The following SPAG16 variants were observed in gnomAD, a reference collection of about 807,000 sequenced individuals.
SPAG16 encodes the protein sperm-associated antigen 16 protein.
A neutral mutation model predicts 80.4 loss-of-function variants in SPAG16; 86 were observed. The ratio of observed to expected loss-of-function variants is 1.07; its 90% CI spans 0.90 to 1.28. The LOEUF is 1.28. Among genes scored for constraint, SPAG16 ranks in the 50% most tolerant of loss-of-function variants. The probability of loss-of-function intolerance (pLI) is 0.00; values close to 1 mark genes in which losing one functional copy is unlikely to be tolerated. For synonymous variants in SPAG16, 294 were observed against 265.9 expected (o/e 1.11, Z -1.03); for missense variants, 870 against 765.3 (o/e 1.14, Z -1.61).
chr2:213,593,730 A>G (rs1392236983), intron 10 of SPAG16, among the ~76,000 whole-genome samples: 3 of 111,472 alleles, frequency 2.7e-5, no homozygotes, highest in African/African-American at 1.0e-4. Flanking sequence ...CTCATACCCC[A>G]TCATCCCCAC....
At chr2:213,689,863 C>G (rs2064865095) in intron 10 of SPAG16, among the ~76,000 whole-genome samples, 2 of 151,580 alleles carry the variant, frequency 1.3e-5, no homozygotes, top group South Asian at 2.1e-4. Flanking sequence ...CTATCCTACT[C>G]CAGAAAGACT....
intron 10 of SPAG16, among the ~76,000 whole-genome samples, chr2:213,556,385 TA>T (rs956536911): frequency 1.4e-5 from 2 of 144,914 alleles, no homozygotes; most frequent in African/African-American, 5.1e-5. Context: ...AAACCATGTA[TA>T]AAAGTGAAAG....
intron 15 of SPAG16, among the ~76,000 whole-genome samples, chr2:214,319,197 A>ATAC (rs2125990944): frequency 4.5e-5 from 1 of 22,202 alleles, no homozygotes; most frequent in Non-Finnish European, 7.7e-5. Context: ...GCACACACAC[A>ATAC]CACCACACAC....
intron 9 of SPAG16, among the ~76,000 whole-genome samples, chr2:213,481,432 A>G: frequency 6.6e-6 from 1 of 152,168 alleles, no homozygotes; most frequent in East Asian, 1.9e-4. Context: ...TTTTGTTTTT[A>G]ATAAGGTTTT....
At chr2:213,958,878 A>C (rs1293693051) in intron 12 of SPAG16, among the ~76,000 whole-genome samples, 1 of 152,158 alleles carries the variant, frequency 6.6e-6, no homozygotes, top group Non-Finnish European at 1.5e-5. Context: ...GCTTTGAGTG[A>C]CTGTCCAGCA....
At chr2:213,736,751 C>A (rs2067301196) in intron 10 of SPAG16, among the ~76,000 whole-genome samples, 1 of 148,374 alleles carries the variant, frequency 6.7e-6, no homozygotes, top group South Asian at 2.1e-4. Context: ...GTTCCCCAAG[C>A]TGCAGTGCAA....
chr2:213,802,015 C>G (rs1385820973), intron 10 of SPAG16, among the ~76,000 whole-genome samples: 1 of 152,154 alleles, frequency 6.6e-6, no homozygotes, highest in Non-Finnish European at 1.5e-5. Flanking sequence ...TTACCTACAA[C>G]ATTTTCAGGT....
At chr2:214,170,015 G>A (rs1412502366) in intron 15 of SPAG16, among the ~76,000 whole-genome samples, 1 of 151,954 alleles carries the variant, frequency 6.6e-6, no homozygotes, top group Non-Finnish European at 1.5e-5. Flanking sequence ...AAATGTTACA[G>A]AATGCTAAAA....
At chr2:213,951,955 G>A (rs2079804401) in intron 12 of SPAG16, among the ~76,000 whole-genome samples, 1 of 152,134 alleles carries the variant, frequency 6.6e-6, no homozygotes, top group Non-Finnish European at 1.5e-5. Context: ...ATAGGCAGGT[G>A]CATTAAATGA....
At chr2:213,698,211 T>C (rs1482185440) in intron 10 of SPAG16, among the ~76,000 whole-genome samples, 1 of 152,164 alleles carries the variant, frequency 6.6e-6, no homozygotes, top group African/African-American at 2.4e-5. Context: ...ATGGGCTACA[T>C]TTTTCTCATG....
rs555696970 is a variant in SPAG16 at position 214,062,186 on chromosome 2, G to A, written c.1528-46010G>A. 1.1e-4 allele frequency among the ~76,000 whole-genome samples: 16 copies of A among 152,090 alleles called. No individual in the cohort carries two copies. The East Asian group carries it at 2.5e-3, about 24-fold the overall frequency. ...TGTAATCCCAGCACTTTGGGAGGCC[G>A]AAGTGGGCAGATCCCTTGAGGTCAG... On this transcript the variant is annotated intron_variant, in intron 13 of 15. Transcript: ENST00000331683.
intron 13 of SPAG16, among the ~76,000 whole-genome samples, chr2:214,086,589 A>T (rs1363667225): frequency 6.6e-6 from 1 of 152,094 alleles, no homozygotes; most frequent in African/African-American, 2.4e-5. Context: ...CTGCCTTGTG[A>T]AGAGATGCCT....
At position 214,004,382 on chromosome 2, in the gene SPAG16, A is replaced by G. The variant is rs1190462985; in HGVS notation, c.1401-9569A>G. 2.0e-5 allele frequency among the ~76,000 whole-genome samples: 3 copies of G among 152,104 alleles called. No homozygotes were observed. In the East Asian group the frequency reaches 5.8e-4, roughly 29 times the overall value. ...AGTGTTGGTCACTGTAAATGATTCA[A>G]TCCTCCAGCAGAGACGGGGAGGCAA... On this transcript the variant is annotated intron_variant, in intron 12 of 15. Transcript: ENST00000331683.
At chr2:213,398,165 T>C (rs1287535563) in intron 9 of SPAG16, among the ~76,000 whole-genome samples, 2 of 147,590 alleles carry the variant, frequency 1.4e-5, no homozygotes, top group African/African-American at 5.3e-5. Flanking sequence ...ACTTTTGCTC[T>C]CTGTTTTTTT....
intron 15 of SPAG16, among the ~76,000 whole-genome samples, chr2:214,166,680 T>C (rs2056669816): frequency 6.6e-6 from 1 of 152,170 alleles, no homozygotes; most frequent in Non-Finnish European, 1.5e-5. Flanking sequence ...AGTGGGCTCT[T>C]TGTTTCCTGG....
chr2:213,691,225 G>T (rs2064932286), intron 10 of SPAG16, among the ~76,000 whole-genome samples: 1 of 152,144 alleles, frequency 6.6e-6, no homozygotes, highest in South Asian at 2.1e-4. Context: ...TAAACCTTGT[G>T]TAACCCTTTC....
At chr2:213,981,035 C>T (rs2045721732) in intron 12 of SPAG16, among the ~76,000 whole-genome samples, 1 of 152,042 alleles carries the variant, frequency 6.6e-6, no homozygotes, top group African/African-American at 2.4e-5. Flanking sequence ...AAATTTGTTT[C>T]TCACAGTTCT....
intron 12 of SPAG16, among the ~76,000 whole-genome samples, chr2:213,965,775 C>A (rs2044680574): frequency 6.6e-6 from 1 of 152,204 alleles, no homozygotes; most frequent in Non-Finnish European, 1.5e-5. Flanking sequence ...GGGACAGCTA[C>A]AAAGCTCTCT....
intron 10 of SPAG16, among the ~76,000 whole-genome samples, chr2:213,622,515 T>C (rs1328496754): frequency 6.6e-6 from 1 of 152,220 alleles, no homozygotes; most frequent in Non-Finnish European, 1.5e-5. Context: ...AATTAAAACC[T>C]CCTTCCTTGA....
Sources: allele counts gnomAD v4.1 joint callset (sites outside exome capture counted in the v4.1 genomes callset), GRCh38; gene constraint gnomAD v4.1.1; transcripts MANE v1.5; gene names NCBI Gene and HGNC (gene_info 2026-07-23, HGNC 2026-07-21).